FOCAD: variants seen among roughly 807,000 people sequenced by gnomAD.
FOCAD encodes the protein focadhesin.
A neutral mutation model predicts 225.6 loss-of-function variants in FOCAD; 198 were observed. The observed-to-expected ratio is 0.88, with a 90% CI of 0.78 to 0.99. The LOEUF is 0.99. Among genes scored for constraint, FOCAD ranks in the 50% least tolerant of loss-of-function variants. The pLI, the probability that FOCAD is intolerant of heterozygous loss-of-function variation, is 0.00. For missense variants in FOCAD, 2,713 were observed against 2,123.6 expected, an observed-to-expected ratio of 1.28 and a Z score of -5.46; for synonymous variants, 897 against 755.0, an observed-to-expected ratio of 1.19 and a Z score of -3.08.
At chr9:20,801,196 T>C (rs1821791451) in intron 11 of FOCAD, among the ~76,000 whole-genome samples, 1 of 152,092 alleles carries the variant, frequency 6.6e-6, no homozygotes, top group African/African-American at 2.4e-5. Context: ...ACACAGCATG[T>C]TTTAATATAT....
At chr9:20,666,226 T>G (rs1244845981) in intron 2 of FOCAD, among the ~76,000 whole-genome samples, 2 of 152,202 alleles carry the variant, frequency 1.3e-5, no homozygotes, top group Non-Finnish European at 2.9e-5. Context: ...TATTATGCAT[T>G]CTATAAAGTG....
Position 20,885,107 on chromosome 9 carries a change from A to G in FOCAD, c.2504-2A>G. 1.4e-6 allele frequency: 2 copies of G among 1,421,238 alleles called. No individual in the cohort carries two copies. Among genetic ancestry groups the G allele is most frequent in the Non-Finnish European group, 1.9e-6 (2 of 1,078,480 alleles). The allele number at this position is 1,421,238 out of a possible 1,614,324, so 88.0% of individuals were successfully genotyped here. A position where few individuals can be genotyped will look rare whatever the true frequency, so the allele number is the denominator to read the frequency against. On this transcript the variant is annotated splice_acceptor_variant, in intron 20 of 43. Coordinates refer to ENST00000338382, the MANE Select transcript of FOCAD (RefSeq NM_001375567.1). LOFTEE classifies it high-confidence loss of function. Reference sequence around the variant, plus strand: ...ATAAAGTCTATATAATTTTTTTTAAAGGTGGTATGTTATTTTGCTATGATG... The same window carrying G: ...ATAAAGTCTATATAATTTTTTTTAAGGGTGGTATGTTATTTTGCTATGATG...
At chr9:20,683,049 G>GC (rs761901027), upstream of FOCAD, among the ~76,000 whole-genome samples, 2 of 152,042 alleles carry the variant, frequency 1.3e-5, no homozygotes, top group Admixed American at 1.3e-4. Context: ...ACAGGTGTGA[G>GC]CCCCCCCACC....
chr9:20,735,840 C>CT (rs1210522842), intron 4 of FOCAD, among the ~76,000 whole-genome samples: 4 of 13,554 alleles, frequency 3.0e-4, no homozygotes, highest in African/African-American at 1.4e-3. Context: ...ATTGTTTTAT[C>CT]TTTAAAAAAA....
At position 20,923,759 on chromosome 9, in the gene FOCAD, G is replaced by A; in HGVS notation, c.2952G>A (p.Gly984=). The A allele has an allele frequency of 6.2e-7, 1 of 1,612,820 alleles. No individual in the cohort carries two copies. Among genetic ancestry groups the A allele is most frequent in the Non-Finnish European group, 8.5e-7 (1 of 1,179,022 alleles). Reference sequence around the variant, plus strand: ...CCAGCCTCTCCTCAGACTCTGACGGGCTCCTGGAGGTTAGTTGGGGTGATT... The same window carrying A: ...CCAGCCTCTCCTCAGACTCTGACGGACTCCTGGAGGTTAGTTGGGGTGATT... ...HEASLSSDSD[G]LLEVQPNFLS... Residue 984 remains glycine, a synonymous_variant, in exon 25 of 44, where the codon GGG becomes GGA. Coordinates refer to ENST00000338382, the MANE Select transcript of FOCAD (RefSeq NM_001375567.1).
intron 25 of FOCAD, among the ~76,000 whole-genome samples, chr9:20,924,318 G>C (rs1244168115): frequency 6.6e-6 from 1 of 152,128 alleles, no homozygotes; most frequent in African/African-American, 2.4e-5. Flanking sequence ...TCTGGTAGCT[G>C]TCATCATCTA....
intron 21 of FOCAD, among the ~76,000 whole-genome samples, chr9:20,888,132 T>A (rs952140180): frequency 1.6e-4 from 23 of 147,678 alleles, no homozygotes; most frequent in African/African-American, 5.7e-4. Flanking sequence ...CTTTTTTTTT[T>A]TTTCTTCTTT....
At chr9:20,695,864 GCACA>G (rs1306101316) in intron 1 of FOCAD, among the ~76,000 whole-genome samples, 1 of 152,206 alleles carries the variant, frequency 6.6e-6, no homozygotes, top group Non-Finnish European at 1.5e-5. Context: ...CTGCAGCTAA[GCACA>G]CACATTTTAA....
At chr9:20,749,956 G>C (rs1373500482) in intron 5 of FOCAD, among the ~76,000 whole-genome samples, 1 of 152,102 alleles carries the variant, frequency 6.6e-6, no homozygotes, top group Non-Finnish European at 1.5e-5. Context: ...GGGGAACCAT[G>C]CATTTATCAT....
intron 1 of FOCAD, 136 bp from the exon 2 acceptor site, chr9:20,715,186 T>C: frequency 2.7e-6 from 1 of 366,764 alleles, no homozygotes; most frequent in Non-Finnish European, 4.8e-6. Context: ...CAAGGATTAC[T>C]CTGCAGAGCC....
chr9:20,877,533 C>A (rs1830327186), intron 19 of FOCAD, among the ~76,000 whole-genome samples: 2 of 152,122 alleles, frequency 1.3e-5, no homozygotes, highest in South Asian at 4.1e-4. Context: ...CACAATCTAA[C>A]AATTATGAGC....
intron 5 of FOCAD, among the ~76,000 whole-genome samples, chr9:20,742,574 A>AT (rs1357222789): frequency 6.6e-6 from 1 of 152,168 alleles, no homozygotes; most frequent in African/African-American, 2.4e-5. Flanking sequence ...TTTTAGAAAG[A>AT]TTTTCTACGT....
chr9:20,760,763 A>G (rs760015636), intron 6 of FOCAD, among the ~76,000 whole-genome samples: 4 of 152,116 alleles, frequency 2.6e-5, no homozygotes, highest in Non-Finnish European at 5.9e-5. Flanking sequence ...ACTGTGTTTC[A>G]TTATTCTCTG....
intron 5 of FOCAD, among the ~76,000 whole-genome samples, chr9:20,753,653 A>G (rs1828777953): frequency 6.6e-6 from 1 of 152,096 alleles, no homozygotes; most frequent in Admixed American, 6.6e-5. Flanking sequence ...CGGCTTTGGT[A>G]TCAGGATGAT....
rs940449697 is a variant in FOCAD, at chr9:20,658,321, C to T, written c.-352C>T. 655 of 163,656 alleles carry T rather than the reference C, an allele frequency of 4.0e-3. 8 individuals carry two copies. The East Asian group carries it at 0.064, about 16-fold the overall frequency. The allele number at this position is 163,656 out of a possible 1,614,324, so 10.1% of individuals were successfully genotyped here. On this transcript the variant is annotated 5_prime_UTR_variant, in exon 1 of 46. Coordinates refer to the FOCAD transcript ENST00000380249. ...TGGGCTCCGCCCAGTTCGAGCTTCC[C>T]GGCTGCTTTGTTTACCTAATCAAGC...
At chr9:20,742,121 T>A (rs1282559849) in intron 5 of FOCAD, among the ~76,000 whole-genome samples, 1 of 152,166 alleles carries the variant, frequency 6.6e-6, no homozygotes, top group East Asian at 1.9e-4. Context: ...CTCCATATTT[T>A]CTCCCCTCTC....
intron 6 of FOCAD, 35 bp downstream of exon 6, chr9:20,758,226 G>A (rs750651216): frequency 1.4e-6 from 2 of 1,477,894 alleles, no homozygotes; most frequent in South Asian, 2.4e-5. Flanking sequence ...TAAAGTGAGG[G>A]AGACAGAATG....
In FOCAD at chr9:20,944,677, G is replaced by A. The variant is rs566568108; in HGVS notation, c.3458G>A (p.Ser1153Asn). Reference protein sequence around the residue: ...VGLVLSLMSHSSQMQSRVHVA... With the variant: ...VGLVLSLMSHNSQMQSRVHVA... ...CTTGTTCTGTCCCTCATGAGCCACA[G>A]CAGCCAAATGCAGTCCCGCGTTCAC... Residue 1153 changes from serine to asparagine, a missense_variant, in exon 29 of 44, where the codon AGC becomes AAC. Coordinates refer to ENST00000338382, the MANE Select transcript of FOCAD (RefSeq NM_001375567.1). The A allele has an allele frequency of 2.2e-5, 35 of 1,614,102 alleles. No individual in the cohort carries two copies. The Admixed American group carries it at 4.3e-4, about 20-fold the overall frequency.
At chr9:20,689,242 A>T (rs755422727) in intron 1 of FOCAD, among the ~76,000 whole-genome samples, 1 of 152,010 alleles carries the variant, frequency 6.6e-6, no homozygotes, top group Admixed American at 6.6e-5. Flanking sequence ...GGCTGTGGAT[A>T]TAGATGGTAG....
Sources: allele counts gnomAD v4.1 joint callset (sites outside exome capture counted in the v4.1 genomes callset), GRCh38; gene constraint gnomAD v4.1.1; transcripts MANE v1.5; gene names NCBI Gene and HGNC (gene_info 2026-07-23, HGNC 2026-07-21).